The following MIR2052HG variants were observed in gnomAD, a reference collection of about 807,000 sequenced individuals.
MIR2052HG encodes the protein MIR2052 host gene.
At chr8:74,716,479 GAGGTGGGT>G (rs2128742123) in intron 4 of MIR2052HG, among the ~76,000 whole-genome samples, 1 of 152,304 alleles carries the variant, frequency 6.6e-6, no homozygotes, top group African/African-American at 2.4e-5. Context: ...TTGGGAGGCT[GAGGTGGGT>G]GAATCACAAG....
chr8:74,730,545 A>G (rs1809680932), intron 4 of MIR2052HG, among the ~76,000 whole-genome samples: 1 of 152,220 alleles, frequency 6.6e-6, no homozygotes. Flanking sequence ...TTGTATACCT[A>G]TAAGCAGCAA....
intron 2 of MIR2052HG, among the ~76,000 whole-genome samples, chr8:74,655,682 C>A (rs941473890): frequency 2.0e-5 from 3 of 152,182 alleles, no homozygotes; most frequent in Non-Finnish European, 4.4e-5. Flanking sequence ...TTATGGAGAC[C>A]CTCTGCTAGG....
Position 74,633,822 on chromosome 8 carries a change from G to A in MIR2052HG, n.216+20882G>A, listed in dbSNP as rs1586898754. 2.0e-5 allele frequency among the ~76,000 whole-genome samples: 3 copies of A among 152,172 alleles called. No individual in the cohort carries two copies. The South Asian group carries it at 6.2e-4, about 32-fold the overall frequency. ...TAAAGACATTCAGAGATGTAACTAT[G>A]AGCCTTTGACTACTACAAGGATGAA... On this transcript the variant is annotated intron_variant and non_coding_transcript_variant, in intron 2 of 6. Coordinates refer to ENST00000523442, the Ensembl canonical transcript of MIR2052HG.
rs567034149 is a variant in MIR2052HG at position 74,678,489 on chromosome 8, G to A, written n.217-23890G>A. 6.6e-5 allele frequency among the ~76,000 whole-genome samples: 10 copies of A among 151,246 alleles called. No individual in the cohort carries two copies. The South Asian group carries it at 2.1e-3, about 32-fold the overall frequency. On this transcript the variant is annotated intron_variant and non_coding_transcript_variant, in intron 2 of 6. Transcript: ENST00000523442. Reference sequence around the variant, plus strand: ...GAGACAGGAGAATCGCTTGAACTTGGGAGGTGGAGGTTGCGGTGAGCTGAG... The same window carrying A: ...GAGACAGGAGAATCGCTTGAACTTGAGAGGTGGAGGTTGCGGTGAGCTGAG...
intron 1 of MIR2052HG, chr8:74,603,638 T>C (rs1808058371): frequency 3.1e-6 from 4 of 1,305,694 alleles, no homozygotes; most frequent in South Asian, 1.2e-5. Context: ...GGCTGTGGAA[T>C]GGCAAACTGT....
chr8:74,603,776 C>T (rs112303913), intron 1 of MIR2052HG: 25 of 846,042 alleles, frequency 3.0e-5, no homozygotes, highest in African/African-American at 2.5e-4. Flanking sequence ...TTGACACACT[C>T]AATGATGGAT....
intron 5 of MIR2052HG, chr8:74,757,976 C>G (rs1810022726): frequency 6.6e-6 from 1 of 152,094 alleles, no homozygotes; most frequent in South Asian, 2.1e-4. Context: ...AAAGAATAAA[C>G]AAGAAGATCG....
intron 4 of MIR2052HG, among the ~76,000 whole-genome samples, chr8:74,706,764 T>C (rs1008990422): frequency 6.6e-6 from 1 of 152,096 alleles, no homozygotes; most frequent in Admixed American, 6.6e-5. Flanking sequence ...TATTTATACA[T>C]GTAAAAACTG....
intron 2 of MIR2052HG, among the ~76,000 whole-genome samples, chr8:74,632,706 G>A (rs1411082538): frequency 1.3e-5 from 2 of 152,052 alleles, no homozygotes; most frequent in African/African-American, 4.8e-5. Context: ...TGAATATTTA[G>A]GTTGCCAGTG....
At chr8:74,620,623 C>T (rs1480232871) in intron 2 of MIR2052HG, among the ~76,000 whole-genome samples, 1 of 152,232 alleles carries the variant, frequency 6.6e-6, no homozygotes, top group African/African-American at 2.4e-5. Flanking sequence ...GTATGCTGAC[C>T]CTTTTTAGCC....
chr8:74,693,386 T>C (rs1245517254), intron 2 of MIR2052HG, among the ~76,000 whole-genome samples: 1 of 151,968 alleles, frequency 6.6e-6, no homozygotes, highest in Non-Finnish European at 1.5e-5. Context: ...CATCTGAACT[T>C]TGTAATAATT....
At chr8:74,659,428 C>T (rs558214592) in intron 2 of MIR2052HG, among the ~76,000 whole-genome samples, 60 of 152,196 alleles carry the variant, frequency 3.9e-4, no homozygotes, top group Non-Finnish European at 7.6e-4. Context: ...ACTTTAAGAT[C>T]GTGTTTCCTA....
At chr8:74,756,662 A>G (rs1586933240) in intron 5 of MIR2052HG, 1 of 152,230 alleles carries the variant, frequency 6.6e-6, no homozygotes, top group African/African-American at 2.4e-5. Flanking sequence ...GGTCTTCTTC[A>G]ATGGTCATGC....
intron 2 of MIR2052HG, among the ~76,000 whole-genome samples, chr8:74,645,901 G>GT (rs1268865570): frequency 3.3e-5 from 5 of 152,218 alleles, no homozygotes; most frequent in South Asian, 4.2e-4. Context: ...CTAAGCCTAT[G>GT]TTTTTTGTGG....
intron 2 of MIR2052HG, among the ~76,000 whole-genome samples, chr8:74,697,197 C>T (rs983997988): frequency 2.6e-5 from 4 of 152,170 alleles, no homozygotes; most frequent in African/African-American, 7.2e-5. Flanking sequence ...AAATATGATA[C>T]ACCACATAAA....
At chr8:74,608,471 G>A (rs1053918347) in intron 1 of MIR2052HG, among the ~76,000 whole-genome samples, 4 of 152,034 alleles carry the variant, frequency 2.6e-5, no homozygotes, top group African/African-American at 9.7e-5. Context: ...TGACCTTATT[G>A]ACCTACAAAG....
chr8:74,600,851 G>A (rs1019114322), intron 1 of MIR2052HG, among the ~76,000 whole-genome samples: 2 of 152,096 alleles, frequency 1.3e-5, no homozygotes, highest in Non-Finnish European at 2.9e-5. Context: ...TGGGATTACA[G>A]GCGTGAGCCA....
chr8:74,615,193 C>T (rs1808260259), intron 2 of MIR2052HG: 1 of 152,158 alleles, frequency 6.6e-6, no homozygotes, highest in Admixed American at 6.5e-5. Flanking sequence ...GTTAATGACA[C>T]ACGGGGCTCA....
Position 74,658,601 on chromosome 8 carries a change from G to A in MIR2052HG, n.217-43778G>A, listed in dbSNP as rs573710223. Among the ~76,000 whole-genome samples, 6 of 152,236 alleles carry A rather than the reference G, an allele frequency of 3.9e-5. No individual in the cohort carries two copies. The East Asian group carries it at 1.2e-3, about 29-fold the overall frequency. On this transcript the variant is annotated intron_variant and non_coding_transcript_variant, in intron 2 of 6. Coordinates refer to ENST00000523442, the Ensembl canonical transcript of MIR2052HG. ...AGGTTTCACCATGTTGGCTAGGCTG[G>A]TCTCGAACTCCTGACCTCAAGTGAT...
Sources: allele counts gnomAD v4.1 joint callset (sites outside exome capture counted in the v4.1 genomes callset), GRCh38; gene constraint gnomAD v4.1.1; transcripts MANE v1.5; gene names NCBI Gene and HGNC (gene_info 2026-07-23, HGNC 2026-07-21).